The following TET1 variants were observed in gnomAD, a reference collection of about 807,000 sequenced individuals.
The protein encoded by TET1 is tet methylcytosine dioxygenase 1.
TET1 carries 13 observed loss-of-function variants against 148.7 expected under a neutral mutation model. The observed-to-expected ratio is 0.09, with a 90% confidence interval of 0.06 to 0.14. TET1 has a LOEUF of 0.14. Ranked by LOEUF, TET1 falls within the 10% of genes least tolerant of loss-of-function variation. TET1 has a pLI of 1.00. For missense variants in TET1, 2,182 were observed against 2,553.8 expected (o/e 0.85, Z 3.14); for synonymous variants, 907 against 937.2 (o/e 0.97, Z 0.59).
chr10:68,588,974 T>A (rs1349227146), intron 2 of TET1, among the ~76,000 whole-genome samples: 1 of 151,844 alleles, frequency 6.6e-6, no homozygotes, highest in Non-Finnish European at 1.5e-5. Flanking sequence ...AATGCAGGAA[T>A]TAGCTGGGCA....
intron 3 of TET1, among the ~76,000 whole-genome samples, chr10:68,642,433 C>T (rs1564986494): frequency 1.4e-5 from 2 of 138,934 alleles, no homozygotes; most frequent in Non-Finnish European, 3.1e-5. Flanking sequence ...GACCTTGTCT[C>T]AAAAAAAAAA....
intron 3 of TET1, among the ~76,000 whole-genome samples, chr10:68,627,841 T>TG (rs2054509240): frequency 6.6e-6 from 1 of 151,550 alleles, no homozygotes; most frequent in African/African-American, 2.4e-5. Flanking sequence ...GAGGCTGAGA[T>TG]GGGACAATCT....
intron 7 of TET1, among the ~76,000 whole-genome samples, chr10:68,669,863 C>T (rs951886607): frequency 1.3e-5 from 2 of 152,002 alleles, no homozygotes; most frequent in Admixed American, 1.3e-4. Flanking sequence ...CGAGGTTTCA[C>T]TATGTTGGCC....
intron 8 of TET1, among the ~76,000 whole-genome samples, chr10:68,680,868 G>A (rs989693128): frequency 6.6e-6 from 1 of 152,154 alleles, no homozygotes; most frequent in Non-Finnish European, 1.5e-5. Context: ...TTGCTCTTTC[G>A]TAGAGATCAT....
Position 68,570,250 on chromosome 10 carries a change from G to A in TET1, c.-122-1967G>A, listed in dbSNP as rs920666224. Reference sequence around the variant, plus strand: ...CTCCGGAGTAGCTGGGATTACAGGCGCCTGCCACCACGCCCGGCTAATTTT... The same window carrying A: ...CTCCGGAGTAGCTGGGATTACAGGCACCTGCCACCACGCCCGGCTAATTTT... On this transcript the variant is annotated intron_variant, in intron 1 of 11. Transcript: ENST00000373644. Among the ~76,000 whole-genome samples the A allele has an allele frequency of 4.0e-5, 6 of 151,742 alleles. No individual in the cohort carries two copies. The South Asian group carries it at 6.3e-4, about 16-fold the overall frequency.
chr10:68,562,717 G>A (rs2053567038), intron 1 of TET1, among the ~76,000 whole-genome samples: 1 of 151,144 alleles, frequency 6.6e-6, no homozygotes, highest in Admixed American at 6.6e-5. Context: ...GAATAGATGG[G>A]TGGGAGGGTT....
At chr10:68,630,566 C>T (rs757001594) in intron 3 of TET1, among the ~76,000 whole-genome samples, 8 of 152,168 alleles carry the variant, frequency 5.3e-5, no homozygotes, top group Admixed American at 1.3e-4. Flanking sequence ...CTGTTTGCCT[C>T]GGCCTCCCAA....
intron 8 of TET1, chr10:68,674,845 G>T: frequency 2.3e-6 from 1 of 440,032 alleles, no homozygotes; most frequent in South Asian, 1.9e-5. Flanking sequence ...GAGAGGTGCA[G>T]ACAAATTACT....
At chr10:68,615,356 C>CTTTTTTTTTTTTTTTTTT (rs71019038) in intron 3 of TET1, among the ~76,000 whole-genome samples, 6 of 145,358 alleles carry the variant, frequency 4.1e-5, no homozygotes, top group African/African-American at 7.6e-5. Context: ...CTTTTCTTTT[C>CTTTTTTTTTTTTTTTTTT]TTTTTTTGAG....
intron 2 of TET1, among the ~76,000 whole-genome samples, chr10:68,574,702 G>GA (rs554843482): frequency 1.7e-3 from 262 of 152,284 alleles, no homozygotes; most frequent in Non-Finnish European, 2.8e-3. Flanking sequence ...CTTTCCTTTT[G>GA]AAAGAACACA....
rs2053923797 is a variant in TET1, at chr10:68,591,986, A to G, written c.1915-8995A>G. Among the ~76,000 whole-genome samples, 3 of 152,204 alleles carry G rather than the reference A, an allele frequency of 2.0e-5. No homozygotes were observed. The South Asian group carries it at 6.2e-4, about 32-fold the overall frequency. ...TCAAAATAATTGCTTTTCTCTGATT[A>G]GGAGACTTAGTTATACAAGGGTGTT... On this transcript the variant is annotated intron_variant, in intron 2 of 11. Transcript: ENST00000373644.
At chr10:68,562,332 A>T (rs1341469564) in intron 1 of TET1, among the ~76,000 whole-genome samples, 2 of 152,234 alleles carry the variant, frequency 1.3e-5, no homozygotes, top group Non-Finnish European at 2.9e-5. Flanking sequence ...GGAATTTATG[A>T]CTACAATTAA....
At chr10:68,624,658 T>TTC (rs201414722) in intron 3 of TET1, among the ~76,000 whole-genome samples, 35 of 95,266 alleles carry the variant, frequency 3.7e-4, no homozygotes, top group Admixed American at 9.8e-4. Flanking sequence ...CTTTCTTTCT[T>TTC]TCTCTCTCTC....
intron 2 of TET1, among the ~76,000 whole-genome samples, chr10:68,594,525 G>A (rs945237299): frequency 2.6e-5 from 4 of 152,128 alleles, no homozygotes; most frequent in Non-Finnish European, 5.9e-5. Context: ...TAGCCTCAGG[G>A]AAAGGGGTCA....
Position 68,651,899 on chromosome 10 carries a change from C to T in TET1, c.4330C>T (p.Pro1444Ser). The change falls in exon 5 of 12, where the codon CCA (proline) becomes TCA (serine). Residue 1444 changes from proline to serine, a missense_variant. By Grantham distance (74) the Pro-to-Ser change is moderately conservative. Transcript: ENST00000373644. ...ATATTATACACACCTTGGGGCAGGA[C>T]CAAGTGTTGCTGCTGTCAGGGAAAT... is the stretch of plus-strand genomic sequence containing the variant. ...GPYYTHLGAG[P>S]SVAAVREIME... is the part of the protein sequence containing the mutation. 2 of 1,613,952 alleles carry T rather than the reference C, an allele frequency of 1.2e-6. No homozygotes were observed. Among genetic ancestry groups the T allele is most frequent in the Non-Finnish European group, 1.7e-6 (2 of 1,179,948 alleles).
intron 7 of TET1, among the ~76,000 whole-genome samples, chr10:68,672,515 C>CCA (rs2055289369): frequency 5.8e-5 from 5 of 85,690 alleles, no homozygotes; most frequent in African/African-American, 1.3e-4. Context: ...AAAAAAACAC[C>CCA]AAAAAAAAAA....
chr10:68,651,608 T>A (rs948941330), intron 4 of TET1, among the ~76,000 whole-genome samples: 5 of 152,108 alleles, frequency 3.3e-5, no homozygotes, highest in Non-Finnish European at 7.4e-5. Flanking sequence ...CTTAAAATAT[T>A]TTTTTTCTCC....
At chr10:68,585,795 G>A (rs1391558856) in intron 2 of TET1, among the ~76,000 whole-genome samples, 1 of 151,910 alleles carries the variant, frequency 6.6e-6, no homozygotes, top group Non-Finnish European at 1.5e-5. Context: ...CGATCACAAG[G>A]TCAAGAGATT....
intron 2 of TET1, among the ~76,000 whole-genome samples, chr10:68,574,842 C>T (rs1436023802): frequency 6.6e-6 from 1 of 152,116 alleles, no homozygotes; most frequent in Admixed American, 6.6e-5. Context: ...AGGAAAATGG[C>T]TTGTAAACTC....
Sources: allele counts gnomAD v4.1 joint callset (sites outside exome capture counted in the v4.1 genomes callset), GRCh38; gene constraint gnomAD v4.1.1; transcripts MANE v1.5; gene names NCBI Gene and HGNC (gene_info 2026-07-23, HGNC 2026-07-21).